Variants in RABGAP1L observed in about 807,000 individuals in gnomAD.
RABGAP1L encodes RAB GTPase activating protein 1 like, also known as rab GTPase-activating protein 1-like.
Under a neutral mutation model 137.7 loss-of-function variants are expected in RABGAP1L, and 63 were observed. That is an observed-to-expected ratio of 0.46 (90% CI 0.37 to 0.56). The LOEUF is 0.56. RABGAP1L is among the 20% of genes least tolerant of loss of function. The pLI is 0.00. For missense variants in RABGAP1L, 1,095 were observed against 1,244.0 expected, an observed-to-expected ratio of 0.88 and a Z score of 1.80; for synonymous variants, 431 against 433.7, an observed-to-expected ratio of 0.99 and a Z score of 0.08.
rs561663377 is a variant in RABGAP1L at position 174,885,605 on chromosome 1, C to G, written c.2341-71852C>G. On this transcript the variant is annotated intron_variant, in intron 19 of 25. Coordinates refer to ENST00000681986, the MANE Select transcript of RABGAP1L (RefSeq NM_001366446.1). Reference sequence around the variant, plus strand: ...TCCTGAGCTCAAGTGATCCTCCCCCCTCGGCCTCCCAAAGTGCTGAGATTA... The same window carrying G: ...TCCTGAGCTCAAGTGATCCTCCCCCGTCGGCCTCCCAAAGTGCTGAGATTA... Among the ~76,000 whole-genome samples the G allele has an allele frequency of 9.7e-4, 148 of 152,164 alleles. 4 individuals are homozygous for G. The South Asian group carries it at 0.031, about 31-fold the overall frequency.
Position 174,978,815 on chromosome 1 carries a change from A to G in RABGAP1L, c.2658A>G (p.Glu886=). The G allele has an allele frequency of 6.5e-7, 1 of 1,533,966 alleles. No individual in the cohort carries two copies. Among genetic ancestry groups the G allele is most frequent in the Non-Finnish European group, 8.8e-7 (1 of 1,142,328 alleles). The change falls in exon 23 of 26, where the codon GAA becomes GAG. Residue 886 remains glutamate (E), a synonymous_variant. Transcript: ENST00000681986. ...CATTCTATTCTTTCTAGCTAAAAGA[A>G]GTCTTCAGGAAACAGCTAGAGAAGG... ...KQEEETAQLK[E]VFRKQLEKAE... is the part of the protein sequence containing the mutation.
intron 18 of RABGAP1L, among the ~76,000 whole-genome samples, chr1:174,795,215 A>G (rs1244413140): frequency 6.6e-6 from 1 of 152,128 alleles, no homozygotes; most frequent in African/African-American, 2.4e-5. Context: ...TCACTGTGGC[A>G]TAAGGATTAT....
intron 13 of RABGAP1L, among the ~76,000 whole-genome samples, chr1:174,583,584 A>G (rs146007059): frequency 1.7e-3 from 262 of 152,282 alleles, no homozygotes; most frequent in Middle Eastern, 6.8e-3. Context: ...TGATTCACCA[A>G]TGGAGACTAA....
chr1:174,518,627 A>G (rs1183220465), intron 13 of RABGAP1L, among the ~76,000 whole-genome samples: 1 of 152,216 alleles, frequency 6.6e-6, no homozygotes, highest in African/African-American at 2.4e-5. Context: ...CATTTAGTAC[A>G]GCCATGTTGT....
At position 174,685,995 on chromosome 1, in the gene RABGAP1L, A is replaced by C. The variant is rs376022024; in HGVS notation, c.1899+2399A>C. On this transcript the variant is annotated intron_variant, in intron 15 of 25. Coordinates refer to ENST00000681986, the MANE Select transcript of RABGAP1L (RefSeq NM_001366446.1). ...AAATGAAAGCTGAAGTCATGAGAGTACATCAGATCATCTAGAAGAATGAAT... is the reference window on the plus strand; with the variant it reads ...AAATGAAAGCTGAAGTCATGAGAGTCCATCAGATCATCTAGAAGAATGAAT... 1.8e-4 allele frequency among the ~76,000 whole-genome samples: 27 copies of C among 152,342 alleles called. No individual in the cohort carries two copies. In the East Asian group the frequency reaches 4.1e-3, roughly 23 times the overall value.
At chr1:174,972,432 T>C (rs74572300) in intron 21 of RABGAP1L, among the ~76,000 whole-genome samples, 3 of 152,266 alleles carry the variant, frequency 2.0e-5, no homozygotes, top group African/African-American at 7.2e-5. Flanking sequence ...ATTGCAATGC[T>C]TGTTTCTCTC....
intron 11 of RABGAP1L, among the ~76,000 whole-genome samples, chr1:174,317,600 T>G (rs973580324): frequency 2.0e-5 from 3 of 152,108 alleles, no homozygotes; most frequent in African/African-American, 7.2e-5. Flanking sequence ...CTATGCAGAC[T>G]GGGGTTAGGG....
intron 17 of RABGAP1L, among the ~76,000 whole-genome samples, chr1:174,713,864 A>G (rs757162599): frequency 7.2e-5 from 11 of 152,212 alleles, no homozygotes; most frequent in Admixed American, 1.3e-4. Context: ...CCTATTCAGT[A>G]ACTTCCTATC....
At chr1:174,857,878 A>G (rs1175104130) in intron 19 of RABGAP1L, among the ~76,000 whole-genome samples, 1 of 152,186 alleles carries the variant, frequency 6.6e-6, no homozygotes, top group African/African-American at 2.4e-5. Context: ...TTTACTGACA[A>G]TTTTCAGTAG....
chr1:174,367,485 A>G (rs924663835), intron 11 of RABGAP1L: 6 of 195,294 alleles, frequency 3.1e-5, no homozygotes, highest in Non-Finnish European at 6.3e-5. Flanking sequence ...CCGAAAAGAA[A>G]AGTTACCTGT....
At chr1:174,422,536 G>T (rs1250116340) in intron 13 of RABGAP1L, among the ~76,000 whole-genome samples, 2 of 152,074 alleles carry the variant, frequency 1.3e-5, no homozygotes, top group African/African-American at 4.8e-5. Context: ...AGCCCTATGA[G>T]TTAGGCCAGT....
In RABGAP1L at chr1:174,493,865, G is replaced by A. The variant is rs531058650; in HGVS notation, c.1710+99720G>A. On this transcript the variant is annotated intron_variant, in intron 13 of 25. Transcript: ENST00000681986. ...AAGTATAGGCAGAATGTAACCTCCT[G>A]TAACAGCAAAATCTACTTTTAAGTA... Among the ~76,000 whole-genome samples, 339 of 149,128 alleles carry A rather than the reference G, an allele frequency of 2.3e-3. 2 individuals carry two copies. The highest frequency in any genetic ancestry group is 2.8e-3 in the Non-Finnish European group (186 of 67,494).
intron 13 of RABGAP1L, among the ~76,000 whole-genome samples, chr1:174,445,355 A>C (rs1345336937): frequency 1.3e-5 from 2 of 152,198 alleles, no homozygotes; most frequent in African/African-American, 4.8e-5. Context: ...GTGTAGCTCA[A>C]GCACTTAGAA....
chr1:174,567,644 A>G (rs755903298), intron 13 of RABGAP1L, among the ~76,000 whole-genome samples: 9 of 152,188 alleles, frequency 5.9e-5, no homozygotes, highest in Non-Finnish European at 1.0e-4. Context: ...CTTAACAACA[A>G]TGTAGTATTA....
intron 19 of RABGAP1L, among the ~76,000 whole-genome samples, chr1:174,946,980 G>GTGTATA (rs770439099): frequency 1.3e-3 from 105 of 78,226 alleles, no homozygotes; most frequent in African/African-American, 4.0e-3. Context: ...GTGTGTGTGT[G>GTGTATA]TATATATATG....
At chr1:174,199,150 T>A (rs1667921685) in intron 1 of RABGAP1L, among the ~76,000 whole-genome samples, 1 of 151,950 alleles carries the variant, frequency 6.6e-6, no homozygotes, top group South Asian at 2.1e-4. Flanking sequence ...AATTAAAAAA[T>A]TCAGTGCCTT....
intron 13 of RABGAP1L, among the ~76,000 whole-genome samples, chr1:174,586,738 T>C (rs542074716): frequency 2.0e-5 from 3 of 152,148 alleles, no homozygotes; most frequent in South Asian, 2.1e-4. Flanking sequence ...GCTGGTATTA[T>C]AGGCATGCAC....
intron 18 of RABGAP1L, among the ~76,000 whole-genome samples, chr1:174,782,198 G>A (rs1687067004): frequency 6.6e-6 from 1 of 152,192 alleles, no homozygotes; most frequent in Non-Finnish European, 1.5e-5. Context: ...CTATCCCTGA[G>A]CATGGAATGT....
chr1:174,908,726 A>G (rs1439199038), intron 19 of RABGAP1L, among the ~76,000 whole-genome samples: 1 of 150,894 alleles, frequency 6.6e-6, no homozygotes, highest in Non-Finnish European at 1.5e-5. Context: ...TATTTTTTGT[A>G]GAGATGGGGT....
Sources: allele counts gnomAD v4.1 joint callset (sites outside exome capture counted in the v4.1 genomes callset), GRCh38; gene constraint gnomAD v4.1.1; transcripts MANE v1.5; gene names NCBI Gene and HGNC (gene_info 2026-07-23, HGNC 2026-07-21).